Variants in ABAT observed in about 807,000 individuals in gnomAD.
The protein encoded by ABAT is 4-aminobutyrate aminotransferase, mitochondrial.
A neutral mutation model predicts 64.6 loss-of-function variants in ABAT; 45 were observed. The ratio of observed to expected loss-of-function variants is 0.70; its 90% CI spans 0.55 to 0.89. The LOEUF (loss-of-function observed/expected upper bound fraction) is 0.89, where lower values mean the gene tolerates loss of function less well. Ranked by LOEUF, ABAT falls within the 40% of genes least tolerant of loss-of-function variation. The pLI is 0.00. For synonymous variants in ABAT, 297 were observed against 250.5 expected (o/e 1.19, Z -1.75); for missense variants, 633 against 658.4 (o/e 0.96, Z 0.42).
At chr16:8,734,001 T>C (rs904834594) in intron 1 of ABAT, among the ~76,000 whole-genome samples, 1 of 152,026 alleles carries the variant, frequency 6.6e-6, no homozygotes, top group African/African-American at 2.4e-5. Context: ...AATATTCCAC[T>C]CTGTGGATAC....
chr16:8,734,714 T>G (rs2058861001), intron 1 of ABAT, among the ~76,000 whole-genome samples: 1 of 152,220 alleles, frequency 6.6e-6, no homozygotes, highest in African/African-American at 2.4e-5. Context: ...ATACAAATTT[T>G]GTTCTGAGAT....
At chr16:8,761,219 C>CCA in intron 6 of ABAT, among the ~76,000 whole-genome samples, 2 of 145,694 alleles carry the variant, frequency 1.4e-5, no homozygotes, top group South Asian at 2.4e-4. Context: ...TCTCTCTGCC[C>CCA]TCTCACCTCG....
At chr16:8,755,574 T>G (rs77501036) in intron 5 of ABAT, among the ~76,000 whole-genome samples, 6,456 of 152,268 alleles carry the variant, frequency 0.042, 202 homozygotes, top group Middle Eastern at 0.15. Flanking sequence ...GACTGGGAGA[T>G]GACCTGCAGG....
chr16:8,732,674 C>T (rs1375419279), intron 1 of ABAT, among the ~76,000 whole-genome samples: 1 of 151,436 alleles, frequency 6.6e-6, no homozygotes, highest in African/African-American at 2.5e-5. Flanking sequence ...CCCCACCTTT[C>T]CCGCCTTTCT....
At chr16:8,772,357 C>T (rs1418094374) in intron 11 of ABAT, among the ~76,000 whole-genome samples, 2 of 148,670 alleles carry the variant, frequency 1.3e-5, no homozygotes, top group Non-Finnish European at 3.0e-5. Flanking sequence ...CTATTTCCCA[C>T]ATAACAAGGT....
chr16:8,716,265 C>CGT (rs2058213968), intron 1 of ABAT, among the ~76,000 whole-genome samples: 1 of 152,184 alleles, frequency 6.6e-6, no homozygotes, highest in African/African-American at 2.4e-5. Flanking sequence ...GGGCAAATCA[C>CGT]TTAACCTCTC....
rs138999430 is a variant in ABAT at position 8,745,815 on chromosome 16, A to G, written c.71-186A>G. Among the ~76,000 whole-genome samples, 729 of 152,264 alleles carry G rather than the reference A, an allele frequency of 4.8e-3. 10 individuals are homozygous for G. Among genetic ancestry groups the G allele is most frequent in the African/African-American group, 0.016 (685 of 41,542 alleles). ...GCTGACACTGGGTTTTCCCTTTTTT[A>G]AAATCTACAGTGTCCTTGTGGTGGC... On this transcript the variant is annotated intron_variant, in intron 2 of 15. Coordinates refer to ENST00000268251, the MANE Select transcript of ABAT (RefSeq NM_020686.6).
At position 8,763,866 on chromosome 16, in the gene ABAT, T is replaced by C. The variant is rs533899556; in HGVS notation, c.367-203T>C. Among the ~76,000 whole-genome samples, 4 of 152,336 alleles carry C rather than the reference T, an allele frequency of 2.6e-5. No homozygotes were observed. In the East Asian group the frequency reaches 7.7e-4, roughly 29 times the overall value. On this transcript the variant is annotated intron_variant, in intron 6 of 15. Coordinates refer to ENST00000268251, the MANE Select transcript of ABAT (RefSeq NM_020686.6). ...AATATGGCAACCAGGACACTGACCC[T>C]TTTTTAAAACATCCACAGCAATCCT...
rs533466946 is a variant in ABAT at position 8,705,260 on chromosome 16, G to A, written c.-41-30439G>A. 2.0e-5 allele frequency among the ~76,000 whole-genome samples: 3 copies of A among 150,964 alleles called. No individual in the cohort carries two copies. In the South Asian group the frequency reaches 6.3e-4, roughly 32 times the overall value. The stretch of plus-strand genomic sequence containing the variant: ...AGGCACCTTCTTCACAAGGTGGCAG[G>A]AGAGAGAGAGAGAGAGCACACAGGG... On this transcript the variant is annotated intron_variant, in intron 1 of 15. Transcript: ENST00000268251.
At chr16:8,739,474 T>G in intron 2 of ABAT, among the ~76,000 whole-genome samples, 1 of 152,170 alleles carries the variant, frequency 6.6e-6, no homozygotes, top group East Asian at 1.9e-4. Flanking sequence ...TACCAACACT[T>G]TGGGAGGCTG....
chr16:8,743,444 T>TATATATATATATATATATATATATATAC lies in ABAT; in HGVS notation c.71-2556_71-2555insTATATATATATATATATATATATATACA, dbSNP rs368568293. ...ACAGTTATATATATATATATATATA[T>TATATATATATATATATATATATATATAC]ACACACATTTTATAATATATTATAT... On this transcript the variant is annotated intron_variant, in intron 2 of 15. Transcript: ENST00000268251. 5.9e-3 allele frequency among the ~76,000 whole-genome samples: 697 copies of TATATATATATATATATATATATATATAC among 117,486 alleles called. 22 individuals are homozygous for TATATATATATATATATATATATATATAC. The highest frequency in any genetic ancestry group is 0.016 in the African/African-American group (415 of 26,702). The allele number at this position is 117,486 out of a possible 152,430, so 77.1% of individuals were successfully genotyped here.
chr16:8,731,584 T>G (rs2058719969), intron 1 of ABAT: 1 of 152,070 alleles, frequency 6.6e-6, no homozygotes, highest in Non-Finnish European at 1.5e-5. Context: ...TAGTTGTCCT[T>G]GATAGGTATG....
At position 8,745,697 on chromosome 16, in the gene ABAT, CAA is replaced by C. The variant is rs369352401; in HGVS notation, c.71-296_71-295del. On this transcript the variant is annotated intron_variant, in intron 2 of 15. Transcript: ENST00000268251. Reference sequence around the variant, plus strand: ...TGGGCAATAGAGCAAGACTCTGTCTCAAAAAAAAATGAATAAATAAATACAAA... The same window carrying C: ...TGGGCAATAGAGCAAGACTCTGTCTCAAAAAAATGAATAAATAAATACAAA... Among the ~76,000 whole-genome samples, 27 of 149,458 alleles carry C rather than the reference CAA, an allele frequency of 1.8e-4. No homozygotes were observed. The South Asian group carries it at 3.9e-3, about 21-fold the overall frequency.
chr16:8,737,941 A>AG lies in ABAT; in HGVS notation c.70+2132_70+2133insG, dbSNP rs1555488646. Among the ~76,000 whole-genome samples, 3 of 8,018 alleles carry AG rather than the reference A, an allele frequency of 3.7e-4. 1 individual carries two copies. Among genetic ancestry groups the AG allele is most frequent in the Admixed American group, 1.4e-3 (1 of 700 alleles). The allele number at this position is 8,018 out of a possible 152,430, so 5.3% of individuals were successfully genotyped here. ...AGATTAAAAAAAAAAAAAAGAAAGG[A>AG]AAGGAAGAAAGGAAGGAAGGAAGGA... On this transcript the variant is annotated intron_variant, in intron 2 of 15. Transcript: ENST00000268251.
intron 6 of ABAT, among the ~76,000 whole-genome samples, chr16:8,762,825 G>C (rs2142905626): frequency 6.6e-6 from 1 of 152,234 alleles, no homozygotes; most frequent in Non-Finnish European, 1.5e-5. Context: ...TCCCCTCCAA[G>C]GTTGGGCACA....
chr16:8,684,578 G>GTGTGGTAATGTGCACC (rs1281983465), intron 1 of ABAT, among the ~76,000 whole-genome samples: 3 of 152,056 alleles, frequency 2.0e-5, no homozygotes, highest in Non-Finnish European at 2.9e-5. Flanking sequence ...AATTAGCCAG[G>GTGTGGTAATGTGCACC]TGTGGTAATG....
chr16:8,710,998 C>G (rs1395152538), intron 1 of ABAT, among the ~76,000 whole-genome samples: 2 of 152,202 alleles, frequency 1.3e-5, no homozygotes, highest in African/African-American at 4.8e-5. Context: ...GCAGGTTATT[C>G]TGCATGATGG....
intron 1 of ABAT, among the ~76,000 whole-genome samples, chr16:8,675,459 C>T (rs1034145853): frequency 2.0e-5 from 3 of 152,112 alleles, no homozygotes; most frequent in African/African-American, 7.2e-5. Flanking sequence ...CCACCCAAGC[C>T]CTTTCACACA....
intron 6 of ABAT, among the ~76,000 whole-genome samples, chr16:8,763,318 A>C (rs1376721054): frequency 6.6e-6 from 1 of 152,200 alleles, no homozygotes; most frequent in East Asian, 1.9e-4. Flanking sequence ...CCCCAACTCT[A>C]CAATGAGGAC....
Sources: gnomAD v4.1 joint callset for allele counts (sites outside exome capture counted in the v4.1 genomes callset) on GRCh38, gnomAD v4.1.1 for gene constraint, MANE v1.5 for transcripts, NCBI Gene and HGNC (gene_info 2026-07-23, HGNC 2026-07-21) for gene names.